LRP1B: variants seen among roughly 807,000 people sequenced by gnomAD.
LRP1B encodes LDL receptor related protein 1B, also known as low-density lipoprotein receptor-related protein 1B.
A neutral mutation model predicts 556.6 loss-of-function variants in LRP1B; 217 were observed. The ratio of observed to expected loss-of-function variants is 0.39; its 90% CI spans 0.35 to 0.44. The LOEUF is 0.44. Among genes scored for constraint, LRP1B ranks in the 20% least tolerant of loss-of-function variants. LRP1B has a pLI of 1.00. For synonymous variants in LRP1B, 2,047 were observed against 1,865.8 expected (o/e 1.10, Z -2.50); for missense variants, 5,053 against 5,620.8 (o/e 0.90, Z 3.23).
intron 86 of LRP1B, among the ~76,000 whole-genome samples, chr2:140,267,773 T>C (rs13413773): frequency 0.37 from 55,917 of 151,842 alleles, 10,795 homozygotes; most frequent in African/African-American, 0.47. Context: ...TACACACATT[T>C]CTAAAGAGCC....
At chr2:141,069,766 G>A (rs1302575159) in intron 7 of LRP1B, among the ~76,000 whole-genome samples, 1 of 152,014 alleles carries the variant, frequency 6.6e-6, no homozygotes. Context: ...CTCTGTCTTA[G>A]ATAATATCAG....
intron 41 of LRP1B, among the ~76,000 whole-genome samples, chr2:140,617,960 G>T (rs548910911): frequency 1.3e-4 from 20 of 152,038 alleles, no homozygotes; most frequent in South Asian, 1.0e-3. Flanking sequence ...AGTTCTGATT[G>T]CTGTCTTTTA....
At chr2:141,212,486 G>C (rs1277292983) in intron 6 of LRP1B, among the ~76,000 whole-genome samples, 3 of 149,598 alleles carry the variant, frequency 2.0e-5, no homozygotes, top group Admixed American at 6.7e-5. Context: ...GAGTTTCACT[G>C]TGTTAGCCAG....
intron 2 of LRP1B, among the ~76,000 whole-genome samples, chr2:141,775,465 C>A (rs1259724436): frequency 6.6e-6 from 1 of 152,166 alleles, no homozygotes; most frequent in Non-Finnish European, 1.5e-5. Context: ...TAAATAAAAT[C>A]TTTGACATGT....
At chr2:140,563,409 C>T (rs1349127395) in intron 43 of LRP1B, among the ~76,000 whole-genome samples, 1 of 73,114 alleles carries the variant, frequency 1.4e-5, no homozygotes, top group African/African-American at 5.0e-5. Flanking sequence ...TTTTACTTGT[C>T]ATGATAATTT....
At chr2:141,424,342 A>G (rs796406353) in intron 3 of LRP1B, among the ~76,000 whole-genome samples, 20 of 151,972 alleles carry the variant, frequency 1.3e-4, no homozygotes, top group African/African-American at 4.8e-4. Flanking sequence ...CAAATTTTCG[A>G]CCTCAGGTGA....
At chr2:140,519,993 G>A (rs1458784637) in intron 49 of LRP1B, among the ~76,000 whole-genome samples, 1 of 152,176 alleles carries the variant, frequency 6.6e-6, no homozygotes, top group African/African-American at 2.4e-5. Flanking sequence ...TGGAGAAATA[G>A]GAATGCTTTT....
intron 33 of LRP1B, 150 bp from the exon 34 acceptor site, chr2:140,771,156 G>T: frequency 1.8e-6 from 1 of 552,386 alleles, no homozygotes. Flanking sequence ...TTATTCTCTT[G>T]AATAATTTAA....
intron 83 of LRP1B, among the ~76,000 whole-genome samples, chr2:140,304,278 A>T (rs1156619083): frequency 6.6e-6 from 1 of 152,136 alleles, no homozygotes; most frequent in Non-Finnish European, 1.5e-5. Flanking sequence ...AAACTGGTTC[A>T]GTGTAAAAGT....
intron 86 of LRP1B, among the ~76,000 whole-genome samples, chr2:140,263,261 A>G (rs1235412262): frequency 2.0e-5 from 3 of 152,060 alleles, no homozygotes; most frequent in African/African-American, 7.2e-5. Flanking sequence ...TGGATCTTCC[A>G]GCCAAACTGC....
chr2:141,489,410 TA>T (rs1285100244), intron 2 of LRP1B, among the ~76,000 whole-genome samples: 1 of 151,550 alleles, frequency 6.6e-6, no homozygotes, highest in African/African-American at 2.4e-5. Context: ...ATTATAAGAG[TA>T]TGAAAAAATT....
intron 2 of LRP1B, among the ~76,000 whole-genome samples, chr2:141,510,072 C>G (rs565909088): frequency 1.3e-5 from 2 of 151,924 alleles, no homozygotes; most frequent in Admixed American, 6.6e-5. Flanking sequence ...AAAAAAAGTA[C>G]TCTTTCTCAT....
At chr2:141,567,763 A>G (rs1188245801) in intron 2 of LRP1B, among the ~76,000 whole-genome samples, 1 of 138,946 alleles carries the variant, frequency 7.2e-6, no homozygotes, top group African/African-American at 2.5e-5. Flanking sequence ...AATCTGGACT[A>G]CTAAAGATTC....
At chr2:140,831,800 A>G (rs1464481023) in intron 31 of LRP1B, among the ~76,000 whole-genome samples, 1 of 152,242 alleles carries the variant, frequency 6.6e-6, no homozygotes, top group Admixed American at 6.5e-5. Context: ...ACCAAAATAT[A>G]TAAGGAACTC....
At chr2:140,457,836 C>T (rs1032288664) in intron 60 of LRP1B, among the ~76,000 whole-genome samples, 185 bp from the exon 61 acceptor site, 4 of 152,058 alleles carry the variant, frequency 2.6e-5, no homozygotes, top group African/African-American at 9.7e-5. Flanking sequence ...GGCACAGGAG[C>T]TAGCTTTGCT....
chr2:141,631,698 C>T (rs1688916101), intron 2 of LRP1B, among the ~76,000 whole-genome samples: 1 of 152,114 alleles, frequency 6.6e-6, no homozygotes, highest in Non-Finnish European at 1.5e-5. Context: ...CTTGTTTCTG[C>T]TTCTTCAGCC....
At chr2:141,301,094 G>T (rs923529450) in intron 3 of LRP1B, among the ~76,000 whole-genome samples, 2 of 152,118 alleles carry the variant, frequency 1.3e-5, no homozygotes, top group African/African-American at 4.8e-5. Context: ...GATATATTAT[G>T]TTGTGGGGTA....
In LRP1B at chr2:142,124,269, G is replaced by A. The variant is rs554324888; in HGVS notation, c.82+6379C>T. ...ATGAACATTACTCTTTTCCACTAAGGATACTTACAAATTTGAAGTAATAGG... is the reference window on the plus strand; with the variant it reads ...ATGAACATTACTCTTTTCCACTAAGAATACTTACAAATTTGAAGTAATAGG... On this transcript the variant is annotated intron_variant, in intron 1 of 90. Transcript: ENST00000389484. 6.6e-5 allele frequency among the ~76,000 whole-genome samples: 10 copies of A among 151,846 alleles called. No individual in the cohort carries two copies. In the East Asian group the frequency reaches 1.9e-3, roughly 29 times the overall value.
At chr2:141,854,639 T>C (rs1697985769) in intron 1 of LRP1B, among the ~76,000 whole-genome samples, 2 of 152,010 alleles carry the variant, frequency 1.3e-5, no homozygotes, top group African/African-American at 2.4e-5. Context: ...ATCCTTGATG[T>C]TTTAAAAATG....
Sources: gnomAD v4.1 joint callset for allele counts (sites outside exome capture counted in the v4.1 genomes callset) on GRCh38, gnomAD v4.1.1 for gene constraint, MANE v1.5 for transcripts, NCBI Gene and HGNC (gene_info 2026-07-23, HGNC 2026-07-21) for gene names.